ZNF429: variants seen among roughly 807,000 people sequenced by gnomAD.
The protein encoded by ZNF429 is zinc finger protein 429.
ZNF429 carries 53 observed loss-of-function variants against 56.8 expected under a neutral mutation model. The ratio of observed to expected loss-of-function variants is 0.93; its 90% CI spans 0.75 to 1.17. ZNF429 has a LOEUF of 1.17. ZNF429 is among the 50% of genes most tolerant of loss of function. The probability of loss-of-function intolerance (pLI) is 0.00; values close to 1 mark genes in which losing one functional copy is unlikely to be tolerated. For synonymous variants in ZNF429, 278 were observed against 264.7 expected (o/e 1.05, Z -0.49); for missense variants, 849 against 788.4 (o/e 1.08, Z -0.92).
In ZNF429 at chr19:21,536,293, T is replaced by C; in HGVS notation, c.240T>C (p.His80=). 1 of 1,574,872 alleles carries C rather than the reference T, an allele frequency of 6.3e-7. No individual in the cohort carries two copies. The highest frequency in any genetic ancestry group is 8.6e-7 in the Non-Finnish European group (1 of 1,164,528). Residue 80 remains histidine (H), a synonymous_variant, in exon 4 of 4, where the codon CAT becomes CAC. Transcript: ENST00000358491. ...ATTTTATTTTAGTTGTGTGTTCTCA[T>C]TTTGCTGAAGACTTTTGGCCAGAGC... The part of the protein sequence containing the change: ...MVDEPPVVCS[H]FAEDFWPEQD...
chr19:21,531,119 AAAAAAAAAAACC>A lies in ZNF429; in HGVS notation c.226+446_226+457del. ...GAAACTCCATCTCAAAAAAAAAAAA[AAAAAAAAAAACC>A]AAAAAAAAAAAAACACCCGTCTTGG... On this transcript the variant is annotated intron_variant, in intron 3 of 3. Transcript: ENST00000358491. 5.1e-4 allele frequency among the ~76,000 whole-genome samples: 45 copies of A among 88,456 alleles called. 1 individual carries two copies. The highest frequency in any genetic ancestry group is 1.6e-3 in the African/African-American group (33 of 20,062). The allele number at this position is 88,456 out of a possible 152,430, so 58.0% of individuals were successfully genotyped here. A position where few individuals can be genotyped will look rare whatever the true frequency, so the allele number is the denominator to read the frequency against.
chr19:21,535,830 C>G, intron 3 of ZNF429, among the ~76,000 whole-genome samples: 1 of 152,074 alleles, frequency 6.6e-6, no homozygotes, highest in Non-Finnish European at 1.5e-5. Context: ...ACCACCATTT[C>G]TTTCAGCAGT....
chr19:21,509,942 C>G (rs1489249814), intron 1 of ZNF429, among the ~76,000 whole-genome samples: 1 of 150,256 alleles, frequency 6.7e-6, no homozygotes, highest in Non-Finnish European at 1.5e-5. Flanking sequence ...GAATCTTGCT[C>G]TTGTTGCCCA....
chr19:21,522,974 G>C (rs769666508), intron 1 of ZNF429, among the ~76,000 whole-genome samples: 59 of 151,950 alleles, frequency 3.9e-4, no homozygotes, highest in Non-Finnish European at 6.5e-4. Context: ...GTCCTCTACA[G>C]TCACTTCTAG....
intron 1 of ZNF429, among the ~76,000 whole-genome samples, chr19:21,520,507 G>T (rs921902944): frequency 4.7e-5 from 7 of 150,518 alleles, no homozygotes; most frequent in Non-Finnish European, 8.9e-5. Context: ...ATTTTTTTTT[G>T]ACTCAAGGTT....
rs1245020954 is a variant in ZNF429 at position 21,536,499 on chromosome 19, T to G, written c.446T>G (p.Ile149Arg). 6.2e-7 allele frequency: 1 copy of G among 1,612,944 alleles called. No individual in the cohort carries two copies. The highest frequency in any genetic ancestry group is 8.5e-7 in the Non-Finnish European group (1 of 1,179,544). Reference sequence around the variant, plus strand: ...CAGAGCAAAATGTATCACTGTGATATATATGTAAAAGTCTTTTATGCATTT... The same window carrying G: ...CAGAGCAAAATGTATCACTGTGATAGATATGTAAAAGTCTTTTATGCATTT... The part of the protein sequence containing the change: ...LTQSKMYHCD[I>R]YVKVFYAFSN... The change falls in exon 4 of 4, where the codon ATA (isoleucine) becomes AGA (arginine). Residue 149 changes from isoleucine to arginine, a missense_variant. Transcript: ENST00000358491.
chr19:21,536,825 A>C lies in ZNF429; in HGVS notation c.772A>C (p.Lys258Gln). ...KRIHTGEKPY[K>Q]CKECGKAFSR... ...AATTCATACTGGAGAGAAACCCTACAAATGTAAAGAATGTGGCAAAGCCTT... is the reference window on the plus strand; with the variant it reads ...AATTCATACTGGAGAGAAACCCTACCAATGTAAAGAATGTGGCAAAGCCTT... The change falls in exon 4 of 4, where the codon AAA becomes CAA. Residue 258 changes from lysine (K) to glutamine (Q), a missense_variant. Lys to Gln is a moderately conservative substitution (Grantham distance 53). Transcript: ENST00000358491. 1 of 1,613,914 alleles carries C rather than the reference A, an allele frequency of 6.2e-7. No individual in the cohort carries two copies. The highest frequency in any genetic ancestry group is 8.5e-7 in the Non-Finnish European group (1 of 1,179,960).
At position 21,535,327 on chromosome 19, in the gene ZNF429, C is replaced by CTTTT; in HGVS notation, c.227-952_227-951insTTTT. 9.5e-4 allele frequency among the ~76,000 whole-genome samples: 110 copies of CTTTT among 116,174 alleles called. 7 individuals carry two copies. The highest frequency in any genetic ancestry group is 1.2e-3 in the Non-Finnish European group (68 of 58,552). 76.2% of individuals were successfully genotyped at this position (116,174 alleles called of 152,430 possible). On this transcript the variant is annotated intron_variant, in intron 3 of 3. Coordinates refer to ENST00000358491, the MANE Select transcript of ZNF429 (RefSeq NM_001001415.4). ...TCTTTCTTTCTTTCTTTCTTTCTTT[C>CTTTT]TCTTTTCTTTTCTTTCCTTTCCTTT... is the stretch of plus-strand genomic sequence containing the variant.
Position 21,531,120 on chromosome 19 carries a change from A to AACAAAAC in ZNF429, c.226+437_226+438insCAAAACA. ...AAACTCCATCTCAAAAAAAAAAAAA[A>AACAAAAC]AAAAAAAAACCAAAAAAAAAAAAAC... On this transcript the variant is annotated intron_variant, in intron 3 of 3. Coordinates refer to ENST00000358491, the MANE Select transcript of ZNF429 (RefSeq NM_001001415.4). Among the ~76,000 whole-genome samples the AACAAAAC allele has an allele frequency of 4.9e-4, 44 of 90,342 alleles. 1 individual carries two copies. Among genetic ancestry groups the AACAAAAC allele is most frequent in the African/African-American group, 1.8e-3 (40 of 22,572 alleles). 59.3% of individuals were successfully genotyped at this position (90,342 alleles called of 152,430 possible).
chr19:21,517,796 CTTT>C (rs777982396), intron 1 of ZNF429, among the ~76,000 whole-genome samples: 4 of 106,380 alleles, frequency 3.8e-5, no homozygotes, highest in Admixed American at 9.9e-5. Flanking sequence ...TTGTCATTTC[CTTT>C]TTTTTTTTTT....
intron 1 of ZNF429, among the ~76,000 whole-genome samples, chr19:21,527,712 C>G (rs1355714588): frequency 6.6e-6 from 1 of 152,010 alleles, no homozygotes; most frequent in Non-Finnish European, 1.5e-5. Context: ...ACTTTTTTTG[C>G]AAGTCTTGAT....
rs572916529 is a variant in ZNF429 at position 21,511,937 on chromosome 19, C to T, written c.3+6163C>T. Among the ~76,000 whole-genome samples the T allele has an allele frequency of 2.0e-5, 3 of 152,210 alleles. No individual in the cohort carries two copies. The East Asian group carries it at 5.8e-4, about 29-fold the overall frequency. On this transcript the variant is annotated intron_variant, in intron 1 of 3. Transcript: ENST00000358491. ...CAAAAAAATACGAAAACCAGTCAGGCGTGGCGGTGCGCGCCTGGAATCGCA... is the reference window on the plus strand; with the variant it reads ...CAAAAAAATACGAAAACCAGTCAGGTGTGGCGGTGCGCGCCTGGAATCGCA...
intron 1 of ZNF429, among the ~76,000 whole-genome samples, chr19:21,509,217 G>A (rs1022309385): frequency 1.3e-5 from 2 of 152,042 alleles, no homozygotes; most frequent in Non-Finnish European, 2.9e-5. Context: ...GTGTTGCCCA[G>A]GCTTGTCTCG....
In ZNF429 at chr19:21,530,646, G is replaced by A; in HGVS notation, c.188G>A (p.Cys63Tyr). 2 of 1,612,254 alleles carry A rather than the reference G, an allele frequency of 1.2e-6. No homozygotes were observed. Among genetic ancestry groups the A allele is most frequent in the Non-Finnish European group, 1.7e-6 (2 of 1,178,976 alleles). Residue 63 changes from cysteine (C) to tyrosine (Y), a missense_variant, in exon 3 of 4, where the codon TGC (cysteine) becomes TAC (tyrosine). By Grantham distance (194) the Cys-to-Tyr change is radical (BLOSUM62 -2). Coordinates refer to ENST00000358491, the MANE Select transcript of ZNF429 (RefSeq NM_001001415.4). ...ITCLEKEKEPCKMKRHEMVDE... is the reference protein window; with the variant it reads ...ITCLEKEKEPYKMKRHEMVDE... ...TGTCTAGAGAAAGAAAAAGAACCCTGCAAGATGAAGCGACATGAAATGGTG... is the reference window on the plus strand; with the variant it reads ...TGTCTAGAGAAAGAAAAAGAACCCTACAAGATGAAGCGACATGAAATGGTG...
chr19:21,507,369 A>G (rs1257996050), intron 1 of ZNF429, among the ~76,000 whole-genome samples: 1 of 152,212 alleles, frequency 6.6e-6, no homozygotes. Context: ...CTGTATTTTA[A>G]TTAAACATTT....
At chr19:21,532,134 C>A in intron 3 of ZNF429, among the ~76,000 whole-genome samples, 1 of 148,392 alleles carries the variant, frequency 6.7e-6, no homozygotes, top group Non-Finnish European at 1.5e-5. Context: ...TTTAAAAAGA[C>A]GTAAATTTTA....
chr19:21,529,827 G>A, intron 2 of ZNF429, 43 bp downstream of exon 2: 1 of 1,237,698 alleles, frequency 8.1e-7, no homozygotes. Flanking sequence ...TACCCTAAAT[G>A]TTTCATTTCT....
chr19:21,521,663 C>G (rs940958604), intron 1 of ZNF429: 10 of 152,586 alleles, frequency 6.6e-5, no homozygotes, highest in African/African-American at 2.4e-4. Context: ...CTGCTTTTCT[C>G]TCTCATGCTT....
At chr19:21,518,718 A>T (rs2145437965) in intron 1 of ZNF429, 1 of 152,170 alleles carries the variant, frequency 6.6e-6, no homozygotes, top group East Asian at 1.9e-4. Flanking sequence ...ACGCCCAGCT[A>T]AATTTTTATT....
Sources: allele counts gnomAD v4.1 joint callset (sites outside exome capture counted in the v4.1 genomes callset), GRCh38; gene constraint gnomAD v4.1.1; transcripts MANE v1.5; gene names NCBI Gene and HGNC (gene_info 2026-07-23, HGNC 2026-07-21).